TANC1: variants seen among roughly 807,000 people sequenced by gnomAD.
The protein encoded by TANC1 is tetratricopeptide repeat, ankyrin repeat and coiled-coil containing 1, also known as protein TANC1.
In TANC1, 77 loss-of-function variants were observed where a neutral mutation model predicts 149.7. The ratio of observed to expected loss-of-function variants is 0.51; its 90% CI spans 0.43 to 0.62. TANC1 has a LOEUF of 0.62. TANC1 is among the 20% of genes least tolerant of loss of function. TANC1 has a pLI of 0.00. For synonymous variants in TANC1, 854 were observed against 925.0 expected (o/e 0.92, Z 1.39); for missense variants, 1,985 against 2,321.8 (o/e 0.85, Z 2.98).
intron 16 of TANC1, among the ~76,000 whole-genome samples, chr2:159,187,826 A>G (rs1439062171): frequency 1.3e-5 from 2 of 152,214 alleles, no homozygotes; most frequent in Non-Finnish European, 2.9e-5. Context: ...TTCTATAATC[A>G]TAAGAAAGAT....
At chr2:159,035,899 C>G (rs182953394) in intron 2 of TANC1, among the ~76,000 whole-genome samples, 7 of 152,300 alleles carry the variant, frequency 4.6e-5, no homozygotes, top group Non-Finnish European at 1.0e-4. Context: ...AAGTGCATGT[C>G]TATGTGTACA....
chr2:159,067,276 C>A (rs968861100), intron 3 of TANC1, among the ~76,000 whole-genome samples: 11 of 152,164 alleles, frequency 7.2e-5, no homozygotes, highest in African/African-American at 2.4e-4. Context: ...ATCCCTTAAA[C>A]CAAGTCTGCA....
intron 4 of TANC1, among the ~76,000 whole-genome samples, chr2:159,120,663 C>T (rs1283970130): frequency 6.6e-6 from 1 of 151,884 alleles, no homozygotes; most frequent in African/African-American, 2.4e-5. Flanking sequence ...GGTGTGGTGG[C>T]ACAATGGATC....
chr2:159,128,521 T>G (rs1215621551), intron 4 of TANC1, among the ~76,000 whole-genome samples: 2 of 152,214 alleles, frequency 1.3e-5, no homozygotes, highest in Non-Finnish European at 2.9e-5. Flanking sequence ...TCCAGCTTGG[T>G]CAGTTCATTT....
chr2:159,091,610 G>C (rs1332336706), intron 3 of TANC1, among the ~76,000 whole-genome samples: 2 of 152,176 alleles, frequency 1.3e-5, no homozygotes, highest in Non-Finnish European at 2.9e-5. Context: ...TAACCATTGA[G>C]TATTAAGAAT....
chr2:158,986,033 T>C (rs2034968810), intron 1 of TANC1, among the ~76,000 whole-genome samples: 1 of 152,210 alleles, frequency 6.6e-6, no homozygotes, highest in African/African-American at 2.4e-5. Context: ...TCCTGTTTGC[T>C]TGGAGGGTCC....
intron 2 of TANC1, among the ~76,000 whole-genome samples, chr2:159,038,629 T>A (rs1559159099): frequency 6.6e-6 from 1 of 152,196 alleles, no homozygotes; most frequent in Non-Finnish European, 1.5e-5. Context: ...TTGTCTTTGG[T>A]TCTGTTTATG....
rs1011037690 is a variant in TANC1 at position 159,221,765 on chromosome 2, G to T, written c.3678+1898G>T. ...CTAAAAATAATATGGAAAGCTTTGG[G>T]CACTATCTTTATCTCTTTGCCAAAT... On this transcript the variant is annotated intron_variant, in intron 22 of 26. Transcript: ENST00000263635. Among the ~76,000 whole-genome samples the T allele has an allele frequency of 2.0e-5, 3 of 152,300 alleles. No homozygotes were observed. The South Asian group carries it at 6.2e-4, about 32-fold the overall frequency.
At position 159,016,172 on chromosome 2, in the gene TANC1, C is replaced by T. The variant is rs114629204; in HGVS notation, c.-16+14983C>T. ...GACTGAGGAACTCTCACAATCATGG[C>T]GGAAGGTAAGAAGGAACAAGTCCCA... On this transcript the variant is annotated intron_variant, in intron 2 of 26. Transcript: ENST00000263635. Among the ~76,000 whole-genome samples, 358 of 152,246 alleles carry T rather than the reference C, an allele frequency of 2.4e-3. 3 individuals carry two copies. The highest frequency in any genetic ancestry group is 7.8e-3 in the African/African-American group (323 of 41,544).
intron 2 of TANC1, among the ~76,000 whole-genome samples, chr2:159,035,691 CTG>C (rs1574256680): frequency 6.6e-6 from 1 of 152,172 alleles, no homozygotes; most frequent in South Asian, 2.1e-4. Context: ...AATCTAAACT[CTG>C]TGATCTCATC....
chr2:159,200,486 A>G (rs1313216182), intron 19 of TANC1, among the ~76,000 whole-genome samples: 1 of 152,218 alleles, frequency 6.6e-6, no homozygotes, highest in Non-Finnish European at 1.5e-5. Context: ...CTCAAGTGAG[A>G]ATTTCTAACA....
intron 25 of TANC1, 56 bp downstream of exon 25, chr2:159,228,021 G>A: frequency 6.3e-7 from 1 of 1,577,606 alleles, no homozygotes; most frequent in Non-Finnish European, 8.6e-7. Flanking sequence ...CCCTTCTCCA[G>A]CAGTGAAGGC....
chr2:159,127,686 G>C (rs914387631), intron 4 of TANC1, among the ~76,000 whole-genome samples: 1 of 151,954 alleles, frequency 6.6e-6, no homozygotes, highest in African/African-American at 2.4e-5. Context: ...ACATGGAGAA[G>C]AACAACACAT....
intron 7 of TANC1, among the ~76,000 whole-genome samples, chr2:159,159,717 T>TGAGAGA (rs56101796): frequency 7.5e-4 from 86 of 114,966 alleles, no homozygotes; most frequent in East Asian, 7.4e-3. Flanking sequence ...TGTGTGTGTG[T>TGAGAGA]GAGAGAGAGA....
chr2:159,171,258 A>G (rs2055173399), intron 10 of TANC1, among the ~76,000 whole-genome samples: 1 of 152,184 alleles, frequency 6.6e-6, no homozygotes, highest in Admixed American at 6.5e-5. Flanking sequence ...ATGTTTGACT[A>G]TTTACTGTTT....
intron 2 of TANC1, among the ~76,000 whole-genome samples, chr2:159,006,822 C>T (rs1177805004): frequency 2.0e-5 from 3 of 152,026 alleles, no homozygotes; most frequent in South Asian, 2.1e-4. Context: ...GAGAGTAAAC[C>T]GAAAAGCTAT....
At chr2:159,069,543 C>G (rs2042961796) in intron 3 of TANC1, among the ~76,000 whole-genome samples, 3 of 151,986 alleles carry the variant, frequency 2.0e-5, no homozygotes, top group Admixed American at 6.6e-5. Flanking sequence ...TACTATTAAA[C>G]AGTTACTTAG....
intron 4 of TANC1, among the ~76,000 whole-genome samples, chr2:159,115,666 AC>A (rs1404087946): frequency 6.6e-6 from 1 of 152,050 alleles, no homozygotes; most frequent in Non-Finnish European, 1.5e-5. Flanking sequence ...ATCCTGGCAT[AC>A]CCTTAACTCA....
intron 1 of TANC1, among the ~76,000 whole-genome samples, chr2:158,977,059 A>C (rs966462621): frequency 4.6e-5 from 7 of 152,182 alleles, no homozygotes; most frequent in African/African-American, 1.7e-4. Context: ...CACATAAATT[A>C]ATACAATTTA....
Sources: gnomAD v4.1 joint callset for allele counts (sites outside exome capture counted in the v4.1 genomes callset) on GRCh38, gnomAD v4.1.1 for gene constraint, MANE v1.5 for transcripts, NCBI Gene and HGNC (gene_info 2026-07-23, HGNC 2026-07-21) for gene names.